The following GRIN2A variants were observed in gnomAD, a reference collection of about 807,000 sequenced individuals.
The protein encoded by GRIN2A is glutamate ionotropic receptor NMDA type subunit 2A.
Under a neutral mutation model 113.4 loss-of-function variants are expected in GRIN2A, and 22 were observed. The ratio of observed to expected loss-of-function variants is 0.19; its 90% CI spans 0.14 to 0.28. The LOEUF is 0.28. Ranked by LOEUF, GRIN2A falls within the 10% of genes least tolerant of loss-of-function variation. The pLI, the probability that GRIN2A is intolerant of heterozygous loss-of-function variation, is 1.00. For missense variants in GRIN2A, 1,502 were observed against 1,887.0 expected, an observed-to-expected ratio of 0.80 and a Z score of 3.78; for synonymous variants, 827 against 738.4, an observed-to-expected ratio of 1.12 and a Z score of -1.94.
chr16:9,758,692 CAA>C lies in GRIN2A; in HGVS notation c.*4455_*4456del, dbSNP rs964985083. The C allele has an allele frequency of 1.9e-5, 4 of 215,916 alleles. No homozygotes were observed. The highest frequency in any genetic ancestry group is 9.0e-5 in the African/African-American group (4 of 44,524). 13.4% of individuals were successfully genotyped at this position (215,916 alleles called of 1,614,324 possible). A position where few individuals can be genotyped will look rare whatever the true frequency, so the allele number is the denominator to read the frequency against. Reference sequence around the variant, plus strand: ...GCATTTGATCATCTCTGATCTATATCAAGTGGCAAGCTGACCTCATCTGATAC... The same window carrying C: ...GCATTTGATCATCTCTGATCTATATCGTGGCAAGCTGACCTCATCTGATAC... On this transcript the variant is annotated 3_prime_UTR_variant, in exon 13 of 13. Transcript: ENST00000330684.
chr16:10,142,316 A>G (rs2142258930), intron 2 of GRIN2A, among the ~76,000 whole-genome samples: 1 of 152,360 alleles, frequency 6.6e-6, no homozygotes, highest in South Asian at 2.1e-4. Context: ...GAGACGAATA[A>G]GTTTAAAGAA....
chr16:10,126,189 A>ATTTTTT, intron 2 of GRIN2A, among the ~76,000 whole-genome samples: 1 of 148,510 alleles, frequency 6.7e-6, no homozygotes, highest in African/African-American at 2.5e-5. Flanking sequence ...TTGAGATAGG[A>ATTTTTT]TCTCGCTCTG....
chr16:10,140,753 C>A (rs1223019140), intron 2 of GRIN2A, among the ~76,000 whole-genome samples: 3 of 152,134 alleles, frequency 2.0e-5, no homozygotes, highest in Non-Finnish European at 4.4e-5. Flanking sequence ...TCAGAGTTAG[C>A]CCTGGGACTT....
chr16:9,971,784 C>A (rs1200643656), intron 2 of GRIN2A, among the ~76,000 whole-genome samples: 1 of 151,820 alleles, frequency 6.6e-6, no homozygotes. Flanking sequence ...CCCTCCCACA[C>A]CCAAACAGGT....
At chr16:9,863,568 G>A (rs943521046) in intron 4 of GRIN2A, among the ~76,000 whole-genome samples, 2 of 152,162 alleles carry the variant, frequency 1.3e-5, no homozygotes, top group Non-Finnish European at 2.9e-5. Flanking sequence ...TCCAAAAGGC[G>A]ATCAGAACAG....
At chr16:10,055,724 A>G (rs1254917624) in intron 2 of GRIN2A, among the ~76,000 whole-genome samples, 1 of 152,236 alleles carries the variant, frequency 6.6e-6, no homozygotes, top group East Asian at 1.9e-4. Flanking sequence ...TAAAAGCTTC[A>G]ACAGAAACCA....
intron 11 of GRIN2A, among the ~76,000 whole-genome samples, chr16:9,797,539 T>G (rs572511060): frequency 6.6e-6 from 1 of 152,292 alleles, no homozygotes; most frequent in Non-Finnish European, 1.5e-5. Flanking sequence ...GCAATAGAGA[T>G]TGCCTTTCCT....
chr16:10,064,989 G>C (rs2047620656), intron 2 of GRIN2A, among the ~76,000 whole-genome samples: 1 of 152,152 alleles, frequency 6.6e-6, no homozygotes, highest in Non-Finnish European at 1.5e-5. Context: ...CCGTAACGTG[G>C]AGAATCCATA....
intron 2 of GRIN2A, among the ~76,000 whole-genome samples, chr16:10,130,277 G>C (rs2049034788): frequency 2.6e-5 from 4 of 152,190 alleles, no homozygotes; most frequent in Admixed American, 2.0e-4. Flanking sequence ...GAAACATTGA[G>C]GGGAAAATCA....
At chr16:9,994,727 T>G (rs2046189622) in intron 2 of GRIN2A, among the ~76,000 whole-genome samples, 1 of 152,190 alleles carries the variant, frequency 6.6e-6, no homozygotes, top group Non-Finnish European at 1.5e-5. Context: ...CAGAGGTACC[T>G]GCGTCACCAC....
intron 4 of GRIN2A, among the ~76,000 whole-genome samples, chr16:9,873,295 A>G (rs35513489): frequency 0.23 from 34,446 of 152,142 alleles, 4,050 homozygotes; most frequent in African/African-American, 0.25. Flanking sequence ...CATCACCACT[A>G]TACAATCTAT....
Position 9,753,734 on chromosome 16 carries a change from GAT to G in GRIN2A, c.*9413_*9414del, listed in dbSNP as rs1281704003. On this transcript the variant is annotated 3_prime_UTR_variant, in exon 13 of 13. Transcript: ENST00000330684. Reference sequence around the variant, plus strand: ...TCATGCAGTGGATTAAAACATGACAGATATAAACTGCTGCAGTTGATCAGTGA... The same window carrying G: ...TCATGCAGTGGATTAAAACATGACAGATAAACTGCTGCAGTTGATCAGTGA... 1 of 190,978 alleles carries G rather than the reference GAT, an allele frequency of 5.2e-6. No individual in the cohort carries two copies. The highest frequency in any genetic ancestry group is 1.1e-5 in the Non-Finnish European group (1 of 91,172). 11.8% of individuals were successfully genotyped at this position (190,978 alleles called of 1,614,324 possible). A position where few individuals can be genotyped will look rare whatever the true frequency, so the allele number is the denominator to read the frequency against.
intron 11 of GRIN2A, among the ~76,000 whole-genome samples, chr16:9,778,464 C>A (rs1335884261): frequency 6.6e-6 from 1 of 152,190 alleles, no homozygotes; most frequent in African/African-American, 2.4e-5. Context: ...GATGACTTAT[C>A]ATGGGAAGGT....
intron 3 of GRIN2A, among the ~76,000 whole-genome samples, chr16:9,903,561 T>A (rs1419477510): frequency 6.6e-6 from 1 of 152,128 alleles, no homozygotes; most frequent in Non-Finnish European, 1.5e-5. Flanking sequence ...AGGCCACAAA[T>A]CTTTGTCCAT....
chr16:10,108,585 G>A (rs970096540), intron 2 of GRIN2A, among the ~76,000 whole-genome samples: 2 of 152,124 alleles, frequency 1.3e-5, no homozygotes, highest in Non-Finnish European at 2.9e-5. Flanking sequence ...GAAGGAATCA[G>A]AATTTGTGTT....
chr16:10,096,643 C>A (rs1411166232), intron 2 of GRIN2A, among the ~76,000 whole-genome samples: 1 of 151,734 alleles, frequency 6.6e-6, no homozygotes, highest in African/African-American at 2.4e-5. Flanking sequence ...TTCCAAGGGG[C>A]AAAGTCCAGA....
Position 10,029,609 on chromosome 16 carries a change from T to C in GRIN2A, c.415-91058A>G, listed in dbSNP as rs78028331. ...AATGCCCCAACATTTATTTTGGGGA[T>C]ACGGCATATGTCTCACCTAGTCTGG... is the stretch of plus-strand genomic sequence containing the variant. On this transcript the variant is annotated intron_variant, in intron 2 of 12. Transcript: ENST00000330684. 2.0e-3 allele frequency among the ~76,000 whole-genome samples: 304 copies of C among 152,332 alleles called. 2 individuals carry two copies. Among genetic ancestry groups the C allele is most frequent in the African/African-American group, 7.1e-3 (295 of 41,578 alleles).
rs962768059 is a variant in GRIN2A at position 9,759,445 on chromosome 16, C to G, written c.*3704G>C. 4.4e-6 allele frequency: 1 copy of G among 225,418 alleles called. No individual in the cohort carries two copies. The highest frequency in any genetic ancestry group is 2.2e-5 in the African/African-American group (1 of 44,902). The allele number at this position is 225,418 out of a possible 1,614,324, so 14.0% of individuals were successfully genotyped here. A position where few individuals can be genotyped will look rare whatever the true frequency, so the allele number is the denominator to read the frequency against. ...GTGTGACTATATGACAGCTGTGGAT[C>G]TTTTGACTAATTAACTGCCTTGGCT... is the stretch of plus-strand genomic sequence containing the variant. On this transcript the variant is annotated 3_prime_UTR_variant, in exon 13 of 13. Coordinates refer to ENST00000330684, the MANE Select transcript of GRIN2A (RefSeq NM_001134407.3).
intron 2 of GRIN2A, among the ~76,000 whole-genome samples, chr16:10,069,589 C>T (rs934046937): frequency 1.3e-5 from 2 of 152,250 alleles, no homozygotes; most frequent in African/African-American, 2.4e-5. Flanking sequence ...GTAGAAGGAC[C>T]CAGATCCCTT....
Sources: gnomAD v4.1 joint callset for allele counts (sites outside exome capture counted in the v4.1 genomes callset) on GRCh38, gnomAD v4.1.1 for gene constraint, MANE v1.5 for transcripts, NCBI Gene and HGNC (gene_info 2026-07-23, HGNC 2026-07-21) for gene names.